The following EGFR variants were observed in gnomAD, a reference collection of about 807,000 sequenced individuals.
The protein encoded by EGFR is avian erythroblastic leukemia viral (v-erb-b) oncogene homolog.
EGFR carries 58 observed loss-of-function variants against 143.0 expected under a neutral mutation model. The ratio of observed to expected loss-of-function variants is 0.41; its 90% CI spans 0.33 to 0.50. The LOEUF (loss-of-function observed/expected upper bound fraction) is 0.50, where lower values mean the gene tolerates loss of function less well. EGFR is among the 20% of genes least tolerant of loss of function. EGFR has a pLI of 0.39. For missense variants in EGFR, 1,307 were observed against 1,579.0 expected (o/e 0.83, Z 2.92); for synonymous variants, 613 against 594.4 (o/e 1.03, Z -0.45).
At chr7:55,191,996 T>C (rs2128964990) in intron 21 of EGFR, 122 bp downstream of exon 21, 2 of 1,448,482 alleles carry the variant, frequency 1.4e-6, no homozygotes, top group South Asian at 2.4e-5. Context: ...CTGGGTGAGC[T>C]CGCAGCAGCT....
intron 1 of EGFR, among the ~76,000 whole-genome samples, chr7:55,080,964 G>T (rs977237768): frequency 4.6e-5 from 7 of 152,304 alleles, no homozygotes; most frequent in Non-Finnish European, 8.8e-5. Flanking sequence ...ATGGGTGCCA[G>T]TCAGGATGAT....
chr7:55,037,982 C>G (rs998991432), intron 1 of EGFR, among the ~76,000 whole-genome samples: 3 of 152,128 alleles, frequency 2.0e-5, no homozygotes, highest in African/African-American at 4.8e-5. Flanking sequence ...TCTGCACTCC[C>G]GGTGTTCCGG....
chr7:55,037,621 C>T (rs1254692743), intron 1 of EGFR, among the ~76,000 whole-genome samples: 1 of 152,170 alleles, frequency 6.6e-6, no homozygotes, highest in East Asian at 1.9e-4. Context: ...CTTCTATGCT[C>T]ACGGAAGACC....
chr7:55,169,709 G>A (rs949359288), intron 15 of EGFR, among the ~76,000 whole-genome samples: 3 of 152,054 alleles, frequency 2.0e-5, no homozygotes, highest in African/African-American at 4.8e-5. Context: ...GGAGCCCCTC[G>A]CCTTCTGACG....
intron 1 of EGFR, among the ~76,000 whole-genome samples, chr7:55,051,218 G>A (rs28683088): frequency 1.3e-5 from 2 of 152,192 alleles, no homozygotes; most frequent in African/African-American, 4.8e-5. Context: ...GGCAGGCATG[G>A]CCCAGGGAGG....
rs201196771 is a variant in EGFR, at chr7:55,205,464, A to G, written c.3480A>G (p.Lys1160=). ...ACAGCCCTGCCCACTGGGCCCAGAA[A>G]GGCAGCCACCAAATTAGCCTGGACA... ...TFDSPAHWAQ[K]GSHQISLDNP... The change falls in exon 28 of 28, where the codon AAA becomes AAG. Residue 1160 remains lysine (K), a synonymous_variant. Coordinates refer to ENST00000275493, the MANE Select transcript of EGFR (RefSeq NM_005228.5). 1.0e-4 allele frequency: 162 copies of G among 1,614,180 alleles called. No homozygotes were observed. The highest frequency in any genetic ancestry group is 1.3e-4 in the Non-Finnish European group (153 of 1,180,026).
chr7:55,146,933 G>A (rs1584153587), intron 4 of EGFR, among the ~76,000 whole-genome samples, 193 bp downstream of exon 4: 1 of 152,166 alleles, frequency 6.6e-6, no homozygotes, highest in Admixed American at 6.5e-5. Context: ...GTGGCGGGTG[G>A]CAGCCCAGCT....
chr7:55,180,510 A>C (rs1253252270), intron 19 of EGFR: 6 of 152,506 alleles, frequency 3.9e-5, no homozygotes, highest in Non-Finnish European at 5.9e-5. Context: ...TCAGTGCAGC[A>C]TGGATTTCCC....
intron 15 of EGFR, chr7:55,170,701 G>T (rs1162756512): frequency 7.1e-6 from 11 of 1,551,106 alleles, no homozygotes; most frequent in Non-Finnish European, 9.5e-6. Flanking sequence ...TCACCCCCAG[G>T]ACTGACCTCT....
chr7:55,150,910 G>C (rs987499124), intron 4 of EGFR, among the ~76,000 whole-genome samples: 2 of 152,216 alleles, frequency 1.3e-5, no homozygotes, highest in Non-Finnish European at 2.9e-5. Context: ...GACACAGCAA[G>C]GAAGTAGTGG....
rs769270861 is a variant in EGFR, at chr7:55,192,874, A to G, written c.2701+33A>G. The G allele has an allele frequency of 1.0e-5, 16 of 1,595,634 alleles. No homozygotes were observed. The East Asian group carries it at 3.6e-4, about 36-fold the overall frequency. ...ATAATCCTGATGCTAATGAGTTTGTACTGAGGCCAAGCTGGCTTTTATTGT... is the reference window on the plus strand; with the variant it reads ...ATAATCCTGATGCTAATGAGTTTGTGCTGAGGCCAAGCTGGCTTTTATTGT... On this transcript the variant is annotated intron_variant, in intron 22 of 27. Coordinates refer to ENST00000275493, the MANE Select transcript of EGFR (RefSeq NM_005228.5).
At chr7:55,101,996 C>G (rs1791862444) in intron 1 of EGFR, among the ~76,000 whole-genome samples, 1 of 152,204 alleles carries the variant, frequency 6.6e-6, no homozygotes, top group Admixed American at 6.5e-5. Flanking sequence ...CGGCTCAGAT[C>G]ATGACATTCT....
At chr7:55,037,395 C>T (rs544330577) in intron 1 of EGFR, among the ~76,000 whole-genome samples, 10 of 152,236 alleles carry the variant, frequency 6.6e-5, no homozygotes, top group Middle Eastern at 3.4e-3. Context: ...ATGTGGTTTG[C>T]GAGAATTTAA....
rs532109786 is a variant in EGFR at position 55,066,035 on chromosome 7, G to A, written c.88+46670G>A. 1.2e-3 allele frequency among the ~76,000 whole-genome samples: 189 copies of A among 152,074 alleles called. 1 individual carries two copies. In the Middle Eastern group the frequency reaches 0.017, roughly 14 times the overall value. ...GTTGTTTCTAGCACAGTTTTTCCTC[G>A]CAGTGACTACGTGATGAAAGTACCA... On this transcript the variant is annotated intron_variant, in intron 1 of 27. Transcript: ENST00000275493.
intron 16 of EGFR, among the ~76,000 whole-genome samples, chr7:55,171,502 C>T (rs928755486): frequency 2.6e-5 from 4 of 152,244 alleles, no homozygotes; most frequent in Non-Finnish European, 5.9e-5. Context: ...TTCCTTGGTT[C>T]CACTGGTTTT....
intron 1 of EGFR, among the ~76,000 whole-genome samples, chr7:55,060,137 T>C (rs1789082442): frequency 6.6e-6 from 1 of 152,228 alleles, no homozygotes; most frequent in Non-Finnish European, 1.5e-5. Flanking sequence ...AACTCTAATT[T>C]ATTTCTGTCA....
intron 15 of EGFR, chr7:55,170,817 C>T: frequency 1.4e-6 from 2 of 1,419,706 alleles, no homozygotes; most frequent in South Asian, 3.0e-5. Context: ...CCAGTCCATG[C>T]TTCTAGCCTT....
chr7:55,033,263 A>G (rs980319262), intron 1 of EGFR, among the ~76,000 whole-genome samples: 2 of 152,174 alleles, frequency 1.3e-5, no homozygotes, highest in African/African-American at 4.8e-5. Flanking sequence ...TACAAAGCAA[A>G]TGTACCGAAA....
intron 1 of EGFR, among the ~76,000 whole-genome samples, chr7:55,135,124 T>C (rs1794064054): frequency 6.6e-6 from 1 of 152,194 alleles, no homozygotes; most frequent in South Asian, 2.1e-4. Context: ...CAAGAGGTAT[T>C]CTCACTCTAC....
Sources: allele counts gnomAD v4.1 joint callset (sites outside exome capture counted in the v4.1 genomes callset), GRCh38; gene constraint gnomAD v4.1.1; transcripts MANE v1.5; gene names NCBI Gene and HGNC (gene_info 2026-07-23, HGNC 2026-07-21).